The following DPP6 variants were observed in gnomAD, a reference collection of about 807,000 sequenced individuals.
DPP6 encodes the protein A-type potassium channel modulatory protein DPP6.
In DPP6, 69 loss-of-function variants were observed where a neutral mutation model predicts 122.6. That is an observed-to-expected ratio of 0.56 (90% CI 0.46 to 0.69). The LOEUF is 0.69. DPP6 is among the 30% of genes least tolerant of loss of function. The pLI is 0.00. For synonymous variants in DPP6, 418 were observed against 433.1 expected (o/e 0.97, Z 0.43); for missense variants, 928 against 1,116.9 (o/e 0.83, Z 2.41).
intron 4 of DPP6, among the ~76,000 whole-genome samples, chr7:154,543,993 C>CA (rs35853479): frequency 0.31 from 21,049 of 68,516 alleles, 3,638 homozygotes; most frequent in African/African-American, 0.41. Context: ...GACTCCATCT[C>CA]AAAAAAAAAA....
chr7:154,112,172 C>T (rs1806638354), intron 1 of DPP6, among the ~76,000 whole-genome samples: 1 of 152,164 alleles, frequency 6.6e-6, no homozygotes, highest in Non-Finnish European at 1.5e-5. Context: ...GATATCATAT[C>T]ACCTGTTATG....
In DPP6 at chr7:154,716,693, AT is replaced by A. The variant is rs112122659; in HGVS notation, c.763-11064del. Reference sequence around the variant, plus strand: ...CATAGAATTTACTCAAAAAGAGAGCATTTTTTTTTTCTCCTGAATGGTTTTC... The same window carrying A: ...CATAGAATTTACTCAAAAAGAGAGCATTTTTTTTTCTCCTGAATGGTTTTC... On this transcript the variant is annotated intron_variant, in intron 7 of 25. Transcript: ENST00000377770. Among the ~76,000 whole-genome samples the A allele has an allele frequency of 1.9e-3, 287 of 149,070 alleles. 2 individuals carry two copies. Among genetic ancestry groups the A allele is most frequent in the Middle Eastern group, 6.8e-3 (2 of 292 alleles).
Position 154,489,170 on chromosome 7 carries a change from C to T in DPP6, c.457+14133C>T, listed in dbSNP as rs903987856. On this transcript the variant is annotated intron_variant, in intron 3 of 25. Transcript: ENST00000377770. ...ACAACTGCATGGCCTGGTTGTGCTG[C>T]GGTTGCTTCTATCACAGAACTTTTC... Among the ~76,000 whole-genome samples the T allele has an allele frequency of 3.3e-5, 5 of 152,154 alleles. No homozygotes were observed. In the East Asian group the frequency reaches 5.8e-4, roughly 18 times the overall value.
the DPP6 span, among the ~76,000 whole-genome samples, chr7:153,787,230 A>G: frequency 3.5e-5 from 5 of 144,816 alleles, no homozygotes; most frequent in Non-Finnish European, 7.6e-5. Context: ...GATTACAGGC[A>G]TGAGCCACTG....
chr7:153,762,490 G>T, the DPP6 span, among the ~76,000 whole-genome samples: 6 of 152,044 alleles, frequency 3.9e-5, no homozygotes, highest in Non-Finnish European at 7.3e-5. Flanking sequence ...GACTCTACCC[G>T]CCTGGCGCGG....
At chr7:154,050,619 A>C (rs1800252137), upstream of DPP6, among the ~76,000 whole-genome samples, 1 of 150,632 alleles carries the variant, frequency 6.6e-6, no homozygotes, top group Admixed American at 6.6e-5. Context: ...TTTTCTATCT[A>C]TCTAATTGTG....
chr7:153,867,114 G>C, the DPP6 span, among the ~76,000 whole-genome samples: 1 of 152,150 alleles, frequency 6.6e-6, no homozygotes, highest in South Asian at 2.1e-4. Context: ...TTTGGCTTAC[G>C]ATTGACTTGG....
intron 1 of DPP6, among the ~76,000 whole-genome samples, chr7:154,177,591 A>G (rs1331291159): frequency 1.3e-5 from 2 of 152,194 alleles, no homozygotes; most frequent in African/African-American, 4.8e-5. Flanking sequence ...GTTTGGGCTC[A>G]TTGGAATATG....
At chr7:154,260,791 A>G (rs1802967105) in intron 1 of DPP6, among the ~76,000 whole-genome samples, 1 of 149,800 alleles carries the variant, frequency 6.7e-6, no homozygotes, top group Non-Finnish European at 1.5e-5. Flanking sequence ...GCTGCTATAA[A>G]CATGTGTGTG....
chr7:154,442,107 A>G (rs1819426749), intron 1 of DPP6, among the ~76,000 whole-genome samples: 1 of 152,110 alleles, frequency 6.6e-6, no homozygotes, highest in Admixed American at 6.5e-5. Context: ...GCATCCATCA[A>G]TGATTGCCTT....
intron 1 of DPP6, among the ~76,000 whole-genome samples, chr7:154,117,707 G>T (rs1807095279): frequency 6.6e-6 from 1 of 152,028 alleles, no homozygotes; most frequent in South Asian, 2.1e-4. Flanking sequence ...TGCTTAATGA[G>T]TGTAAATTAA....
intron 1 of DPP6, among the ~76,000 whole-genome samples, chr7:154,369,059 G>A (rs1812422363): frequency 6.6e-6 from 1 of 152,150 alleles, no homozygotes; most frequent in African/African-American, 2.4e-5. Context: ...AGGCCTAGAA[G>A]CTAATCATGA....
chr7:154,077,507 C>T (rs890111631), intron 1 of DPP6, among the ~76,000 whole-genome samples: 2 of 152,142 alleles, frequency 1.3e-5, no homozygotes, highest in Non-Finnish European at 2.9e-5. Context: ...AGGATCTCTA[C>T]CCATTGCAGG....
the DPP6 span, among the ~76,000 whole-genome samples, chr7:153,876,022 G>T: frequency 6.6e-6 from 1 of 151,346 alleles, no homozygotes; most frequent in African/African-American, 2.4e-5. Flanking sequence ...AAATGACACT[G>T]AAAGGCAAGA....
At chr7:154,698,030 GA>G (rs977435612) in intron 7 of DPP6, among the ~76,000 whole-genome samples, 12 of 151,850 alleles carry the variant, frequency 7.9e-5, no homozygotes, top group East Asian at 1.9e-4. Context: ...TAAAAAATAG[GA>G]AAAAAAGCCT....
intron 16 of DPP6, among the ~76,000 whole-genome samples, chr7:154,817,378 C>T (rs1367116799): frequency 6.6e-6 from 1 of 152,038 alleles, no homozygotes; most frequent in African/African-American, 2.4e-5. Flanking sequence ...TCACAAAAGT[C>T]ATGATGTCAT....
chr7:154,005,208 T>C (rs1236707023), intron 1 of DPP6, among the ~76,000 whole-genome samples: 7 of 152,252 alleles, frequency 4.6e-5, no homozygotes, highest in East Asian at 1.9e-4. Context: ...CCTTTCATCA[T>C]AGTTCCTACC....
chr7:154,269,464 G>A (rs1803651606), intron 1 of DPP6, among the ~76,000 whole-genome samples: 1 of 152,100 alleles, frequency 6.6e-6, no homozygotes, highest in Non-Finnish European at 1.5e-5. Flanking sequence ...CCTTCTCCTG[G>A]GCCACAGTGC....
intron 1 of DPP6, among the ~76,000 whole-genome samples, chr7:154,060,262 C>A (rs1382366285): frequency 7.4e-6 from 1 of 134,730 alleles, no homozygotes; most frequent in Non-Finnish European, 1.7e-5. Flanking sequence ...CGGAGGCACC[C>A]CCCGCGAGGC....
Sources: allele counts gnomAD v4.1 joint callset (sites outside exome capture counted in the v4.1 genomes callset), GRCh38; gene constraint gnomAD v4.1.1; transcripts MANE v1.5; gene names NCBI Gene and HGNC (gene_info 2026-07-23, HGNC 2026-07-21).